Variants in CTNND2 observed in about 807,000 individuals in gnomAD.
The protein encoded by CTNND2 is catenin delta-2.
Under a neutral mutation model 144.4 loss-of-function variants are expected in CTNND2, and 22 were observed. That is an observed-to-expected ratio of 0.15 (90% CI 0.11 to 0.22). The LOEUF (loss-of-function observed/expected upper bound fraction) is 0.22. CTNND2 is among the 10% of genes least tolerant of loss of function. The probability of loss-of-function intolerance (pLI) is 1.00; values close to 1 mark genes in which losing one functional copy is unlikely to be tolerated. For synonymous variants in CTNND2, 751 were observed against 695.6 expected, an observed-to-expected ratio of 1.08 and a Z score of -1.25; for missense variants, 1,353 against 1,618.8, an observed-to-expected ratio of 0.84 and a Z score of 2.82.
At chr5:11,694,941 T>C (rs1396774525) in intron 2 of CTNND2, among the ~76,000 whole-genome samples, 4 of 152,238 alleles carry the variant, frequency 2.6e-5, no homozygotes, top group Non-Finnish European at 4.4e-5. Flanking sequence ...TAAATGTATA[T>C]GGTACAGTAG....
At chr5:11,002,188 T>C (rs1740026825) in intron 18 of CTNND2, among the ~76,000 whole-genome samples, 1 of 152,340 alleles carries the variant, frequency 6.6e-6, no homozygotes. Context: ...CCTACTAAAC[T>C]GAAGGGGTTG....
chr5:11,522,303 CA>C (rs1316970622), intron 3 of CTNND2, among the ~76,000 whole-genome samples: 2 of 152,158 alleles, frequency 1.3e-5, no homozygotes, highest in Admixed American at 6.5e-5. Flanking sequence ...CTGGAAGACC[CA>C]GGAATACAGC....
chr5:11,735,370 G>T (rs74619262), intron 1 of CTNND2, among the ~76,000 whole-genome samples: 2,051 of 151,016 alleles, frequency 0.014, 22 homozygotes, highest in East Asian at 0.058. Flanking sequence ...TTTCCAGCTA[G>T]GGAAGGTTTC....
intron 2 of CTNND2, among the ~76,000 whole-genome samples, chr5:11,672,433 A>G (rs940289650): frequency 1.3e-5 from 2 of 152,146 alleles, no homozygotes; most frequent in South Asian, 2.1e-4. Flanking sequence ...GGTTTTATCT[A>G]TAAGTCCCTG....
intron 16 of CTNND2, among the ~76,000 whole-genome samples, chr5:11,027,996 C>T (rs888757185): frequency 6.6e-5 from 10 of 152,106 alleles, no homozygotes; most frequent in African/African-American, 1.7e-4. Context: ...ATTTGGTTTT[C>T]GCATTGGTGG....
chr5:11,348,452 A>AG (rs1487386918), intron 8 of CTNND2, among the ~76,000 whole-genome samples: 9 of 148,114 alleles, frequency 6.1e-5, no homozygotes, highest in Non-Finnish European at 1.1e-4. Context: ...AAAAAAAAAA[A>AG]AAAAGAAAAA....
rs541751520 is a variant in CTNND2, at chr5:11,011,743, G to C, written c.3084+6231C>G. 3.3e-5 allele frequency among the ~76,000 whole-genome samples: 5 copies of C among 152,248 alleles called. No individual in the cohort carries two copies. The South Asian group carries it at 1.0e-3, about 32-fold the overall frequency. ...TTCCAGGCAAGCAGTCCACGGAGAG[G>C]CAAGGGCACGGAAGCATGCAGGTAG... On this transcript the variant is annotated intron_variant, in intron 18 of 21. Transcript: ENST00000304623.
intron 2 of CTNND2, among the ~76,000 whole-genome samples, chr5:11,715,766 T>C (rs150980194): frequency 1.5e-3 from 232 of 152,306 alleles, no homozygotes; most frequent in African/African-American, 5.4e-3. Flanking sequence ...TTAGTTAGAA[T>C]GCATTTGGTT....
intron 11 of CTNND2, among the ~76,000 whole-genome samples, chr5:11,184,002 T>C (rs1452176515): frequency 6.6e-6 from 1 of 152,198 alleles, no homozygotes; most frequent in Non-Finnish European, 1.5e-5. Context: ...GCTTCAAAAC[T>C]GCAAACTCAC....
rs899127732 is a variant in CTNND2, at chr5:11,146,738, C to T, written c.2159+12838G>A. Reference sequence around the variant, plus strand: ...GAGCACATCGTGAGGACAAAATGTACTAAGCAAGTCAGTGAGGCCACCCAA... The same window carrying T: ...GAGCACATCGTGAGGACAAAATGTATTAAGCAAGTCAGTGAGGCCACCCAA... On this transcript the variant is annotated intron_variant, in intron 12 of 21. Transcript: ENST00000304623. 3.9e-5 allele frequency among the ~76,000 whole-genome samples: 6 copies of T among 152,134 alleles called. No individual in the cohort carries two copies. The South Asian group carries it at 1.2e-3, about 32-fold the overall frequency.
At chr5:11,131,563 G>A (rs62339081) in intron 12 of CTNND2, among the ~76,000 whole-genome samples, 9,767 of 152,206 alleles carry the variant, frequency 0.064, 603 homozygotes, top group East Asian at 0.34. Context: ...CAAGGCTGGC[G>A]GATAACGAGG....
At chr5:11,578,775 A>G (rs184293442) in intron 2 of CTNND2, among the ~76,000 whole-genome samples, 2 of 152,350 alleles carry the variant, frequency 1.3e-5, no homozygotes, top group African/African-American at 4.8e-5. Context: ...ATAAATCAGT[A>G]TCACTCAGTT....
At chr5:11,208,003 A>G (rs1012076612) in intron 10 of CTNND2, among the ~76,000 whole-genome samples, 2 of 152,154 alleles carry the variant, frequency 1.3e-5, no homozygotes, top group Non-Finnish European at 2.9e-5. Context: ...CAAACTTAAA[A>G]TTTTAAAAAT....
chr5:11,428,671 C>T (rs78923403), intron 3 of CTNND2, among the ~76,000 whole-genome samples: 2,775 of 152,262 alleles, frequency 0.018, 98 homozygotes, highest in African/African-American at 0.063. Flanking sequence ...GTTAGTAAAG[C>T]GTAGGATTTC....
In CTNND2 at chr5:11,559,559, C is replaced by T. The variant is rs191666246; in HGVS notation, c.287+5385G>A. Among the ~76,000 whole-genome samples the T allele has an allele frequency of 4.4e-3, 671 of 152,308 alleles. 23 individuals are homozygous for T. Among genetic ancestry groups the T allele is most frequent in the Admixed American group, 0.04 (612 of 15,302 alleles). On this transcript the variant is annotated intron_variant, in intron 3 of 21. Transcript: ENST00000304623. ...AGGATTCACAAGGGTCAGAGCACCC[C>T]AAGTCTCCATGCTATGATATCTTGC...
intron 9 of CTNND2, among the ~76,000 whole-genome samples, chr5:11,263,343 T>C (rs1370818365): frequency 1.3e-5 from 2 of 152,084 alleles, no homozygotes; most frequent in African/African-American, 4.8e-5. Context: ...ACCAAGGAAA[T>C]GATTAAAGAA....
In CTNND2 at chr5:11,700,389, C is replaced by CCAAA. The variant is rs919046377; in HGVS notation, c.174+31743_174+31746dup. ...TGGGCAACAGAGTGAGACTCCATCT[C>CCAAA]CAAACAAACAAACAAACAACAACAA... is the stretch of plus-strand genomic sequence containing the variant. On this transcript the variant is annotated intron_variant, in intron 2 of 21. Coordinates refer to ENST00000304623, the MANE Select transcript of CTNND2 (RefSeq NM_001332.4). 2.1e-4 allele frequency among the ~76,000 whole-genome samples: 32 copies of CCAAA among 152,188 alleles called. 1 individual carries two copies. Among genetic ancestry groups the CCAAA allele is most frequent in the African/African-American group, 7.2e-4 (30 of 41,530 alleles).
chr5:11,467,783 G>A (rs1425285836), intron 3 of CTNND2, among the ~76,000 whole-genome samples: 1 of 152,158 alleles, frequency 6.6e-6, no homozygotes, highest in African/African-American at 2.4e-5. Context: ...GCTGTGTTGT[G>A]CAACCAACAT....
At chr5:11,267,140 A>G (rs1439703755) in intron 9 of CTNND2, among the ~76,000 whole-genome samples, 1 of 152,114 alleles carries the variant, frequency 6.6e-6, no homozygotes, top group Non-Finnish European at 1.5e-5. Context: ...CGGCCTCCCA[A>G]AGTGCTGGAA....
Sources: allele counts gnomAD v4.1 joint callset (sites outside exome capture counted in the v4.1 genomes callset), GRCh38; gene constraint gnomAD v4.1.1; transcripts MANE v1.5; gene names NCBI Gene and HGNC (gene_info 2026-07-23, HGNC 2026-07-21).